NEGR1: variants seen among roughly 807,000 people sequenced by gnomAD.
The protein encoded by NEGR1 is neuronal growth regulator 1, also known as IgLON family member 4.
In NEGR1, 10 loss-of-function variants were observed where a neutral mutation model predicts 40.9. The ratio of observed to expected loss-of-function variants is 0.24; its 90% CI spans 0.15 to 0.42. NEGR1 has a LOEUF of 0.42. Among genes scored for constraint, NEGR1 ranks in the 10% least tolerant of loss-of-function variants. The pLI is 1.00. For synonymous variants in NEGR1, 185 were observed against 166.8 expected, an observed-to-expected ratio of 1.11 and a Z score of -0.84; for missense variants, 352 against 438.9, an observed-to-expected ratio of 0.80 and a Z score of 1.77.
At chr1:71,743,817 C>G (rs1277779836) in intron 3 of NEGR1, among the ~76,000 whole-genome samples, 1 of 152,154 alleles carries the variant, frequency 6.6e-6, no homozygotes, top group East Asian at 1.9e-4. Flanking sequence ...GTACTTAGGT[C>G]TTATGTATTG....
chr1:71,751,148 T>A (rs1340499236), intron 3 of NEGR1, among the ~76,000 whole-genome samples: 1 of 152,034 alleles, frequency 6.6e-6, no homozygotes, highest in Non-Finnish European at 1.5e-5. Flanking sequence ...CAGAGTAATA[T>A]CCAATATGAC....
intron 6 of NEGR1, among the ~76,000 whole-genome samples, chr1:71,525,064 G>A (rs1335865001): frequency 6.6e-6 from 1 of 151,714 alleles, no homozygotes; most frequent in Non-Finnish European, 1.5e-5. Flanking sequence ...GTTGTTTTAA[G>A]CCACCATATT....
intron 6 of NEGR1, among the ~76,000 whole-genome samples, chr1:71,444,009 C>T (rs1054166208): frequency 2.0e-5 from 3 of 152,180 alleles, no homozygotes; most frequent in African/African-American, 4.8e-5. Context: ...TTTAGCATCA[C>T]ATGTGTGCAT....
At chr1:71,414,713 C>T (rs1646344002) in intron 6 of NEGR1, among the ~76,000 whole-genome samples, 1 of 152,134 alleles carries the variant, frequency 6.6e-6, no homozygotes, top group South Asian at 2.1e-4. Flanking sequence ...ACTGTAGACC[C>T]TCTGTAGTCT....
At chr1:71,619,761 T>G (rs1444430743) in intron 4 of NEGR1, among the ~76,000 whole-genome samples, 2 of 152,182 alleles carry the variant, frequency 1.3e-5, no homozygotes, top group East Asian at 3.9e-4. Flanking sequence ...GTGGGATTAT[T>G]TCTTTGCATT....
intron 2 of NEGR1, among the ~76,000 whole-genome samples, chr1:71,819,971 G>T (rs1482918864): frequency 2.6e-5 from 4 of 152,020 alleles, no homozygotes; most frequent in Non-Finnish European, 5.9e-5. Context: ...AGAACCAGAA[G>T]GGGGACAGGC....
intron 6 of NEGR1, among the ~76,000 whole-genome samples, chr1:71,454,071 T>C (rs1431677969): frequency 1.3e-5 from 2 of 152,218 alleles, no homozygotes; most frequent in African/African-American, 4.8e-5. Context: ...ATTTTTGAAC[T>C]TAAATCTTTT....
At chr1:71,580,829 G>C (rs1450091599) in intron 6 of NEGR1, among the ~76,000 whole-genome samples, 4 of 152,106 alleles carry the variant, frequency 2.6e-5, no homozygotes, top group Non-Finnish European at 4.4e-5. Flanking sequence ...AATTTGTCTA[G>C]AGTCATGTAG....
intron 1 of NEGR1, among the ~76,000 whole-genome samples, chr1:72,034,044 A>G (rs2100444037): frequency 6.6e-6 from 1 of 152,358 alleles, no homozygotes. Flanking sequence ...TACTGCAGGT[A>G]TTTCAGGAAG....
chr1:72,000,776 C>T (rs551882136), intron 1 of NEGR1, among the ~76,000 whole-genome samples: 29 of 152,150 alleles, frequency 1.9e-4, no homozygotes, highest in African/African-American at 6.3e-4. Context: ...GTTTATTTTA[C>T]GCTATCACTG....
At chr1:72,103,196 C>T (rs1649010219) in intron 1 of NEGR1, among the ~76,000 whole-genome samples, 2 of 151,974 alleles carry the variant, frequency 1.3e-5, no homozygotes, top group South Asian at 4.1e-4. Flanking sequence ...GACATTTGGC[C>T]ATTACAGTCT....
intron 6 of NEGR1, among the ~76,000 whole-genome samples, chr1:71,525,895 G>A (rs765743655): frequency 1.1e-4 from 17 of 151,484 alleles, no homozygotes; most frequent in Admixed American, 2.6e-4. Context: ...ATTAGTACAC[G>A]TGGTGCCTGA....
chr1:72,149,139 G>C (rs148031631), intron 1 of NEGR1, among the ~76,000 whole-genome samples: 2,327 of 152,206 alleles, frequency 0.015, 51 homozygotes, highest in African/African-American at 0.053. Flanking sequence ...TCAGAATCAT[G>C]GCAGGATGCG....
chr1:71,962,909 AAAAC>A (rs1335579002), intron 1 of NEGR1, among the ~76,000 whole-genome samples: 1 of 152,040 alleles, frequency 6.6e-6, no homozygotes, highest in African/African-American at 2.4e-5. Context: ...AACAACAACA[AAAAC>A]AAAAATATCC....
intron 1 of NEGR1, among the ~76,000 whole-genome samples, chr1:72,174,464 A>T (rs1247782382): frequency 1.3e-5 from 2 of 152,190 alleles, no homozygotes; most frequent in Non-Finnish European, 2.9e-5. Context: ...AAATTGCTTT[A>T]AAATTCCTCT....
intron 3 of NEGR1, among the ~76,000 whole-genome samples, chr1:71,724,418 T>A (rs957260958): frequency 6.6e-6 from 1 of 152,184 alleles, no homozygotes; most frequent in Non-Finnish European, 1.5e-5. Context: ...GTGATTTTAA[T>A]GGTGCTTTTA....
intron 1 of NEGR1, among the ~76,000 whole-genome samples, chr1:72,181,715 A>C (rs1170097524): frequency 1.3e-5 from 2 of 152,166 alleles, no homozygotes; most frequent in Non-Finnish European, 2.9e-5. Context: ...TGTGTAAAAG[A>C]AAGAGATCTT....
intron 1 of NEGR1, among the ~76,000 whole-genome samples, chr1:71,996,290 G>A (rs548523319): frequency 2.0e-5 from 3 of 152,202 alleles, no homozygotes; most frequent in South Asian, 2.1e-4. Context: ...TTGCAGCCAA[G>A]TATAGCTATA....
Position 71,875,826 on chromosome 1 carries a change from C to T in NEGR1, c.409+59253G>A, listed in dbSNP as rs568634544. 2.2e-4 allele frequency among the ~76,000 whole-genome samples: 34 copies of T among 152,166 alleles called. No individual in the cohort carries two copies. The South Asian group carries it at 4.2e-3, about 19-fold the overall frequency. ...GATCCTTCTCTGGAAAATGACTCTT[C>T]GCTTGAGTATTGTCTCTTTGTCTGT... On this transcript the variant is annotated intron_variant, in intron 2 of 6. Transcript: ENST00000357731.
Sources: gnomAD v4.1 joint callset for allele counts (sites outside exome capture counted in the v4.1 genomes callset) on GRCh38, gnomAD v4.1.1 for gene constraint, MANE v1.5 for transcripts, NCBI Gene and HGNC (gene_info 2026-07-23, HGNC 2026-07-21) for gene names.